Variants in ARHGAP44 observed in about 807,000 individuals in gnomAD.
ARHGAP44 encodes the protein rho GTPase-activating protein 44.
ARHGAP44 carries 43 observed loss-of-function variants against 106.8 expected under a neutral mutation model. The ratio of observed to expected loss-of-function variants is 0.40; its 90% CI spans 0.32 to 0.52. The LOEUF (loss-of-function observed/expected upper bound fraction) is 0.52, where lower values mean the gene tolerates loss of function less well. Among genes scored for constraint, ARHGAP44 ranks in the 20% least tolerant of loss-of-function variants. The pLI is 0.48. For missense variants in ARHGAP44, 866 were observed against 1,050.5 expected, an observed-to-expected ratio of 0.82 and a Z score of 2.43; for synonymous variants, 439 against 410.3, an observed-to-expected ratio of 1.07 and a Z score of -0.85.
rs575764191 is a variant in ARHGAP44 at position 12,810,903 on chromosome 17, G to A, written c.53+21012G>A. Among the ~76,000 whole-genome samples, 17 of 152,138 alleles carry A rather than the reference G, an allele frequency of 1.1e-4. 1 individual carries two copies. Among genetic ancestry groups the A allele is most frequent in the Admixed American group, 8.5e-4 (13 of 15,278 alleles). ...CAAAACTTAACTACCAATAGCCTCC[G>A]GTTGACTGGAAGTGTTACCATAACA... On this transcript the variant is annotated intron_variant, in intron 1 of 20. Transcript: ENST00000379672.
chr17:12,870,470 C>G (rs2036377965), intron 1 of ARHGAP44, among the ~76,000 whole-genome samples: 2 of 152,142 alleles, frequency 1.3e-5, no homozygotes, highest in Non-Finnish European at 2.9e-5. Flanking sequence ...ATCCCTATTT[C>G]CAGACCTCCA....
At chr17:12,825,777 AC>A (rs1367748698) in intron 1 of ARHGAP44, among the ~76,000 whole-genome samples, 5 of 152,194 alleles carry the variant, frequency 3.3e-5, no homozygotes, top group Non-Finnish European at 7.3e-5. Context: ...CCAAGTTGAC[AC>A]AAAAAAATTA....
At chr17:12,950,926 G>A (rs1226592227) in intron 12 of ARHGAP44, among the ~76,000 whole-genome samples, 1 of 152,156 alleles carries the variant, frequency 6.6e-6, no homozygotes. Flanking sequence ...TGTGTCTGAT[G>A]CTGCTCCTTC....
intron 2 of ARHGAP44, among the ~76,000 whole-genome samples, chr17:12,895,207 T>C (rs74834085): frequency 2.9e-5 from 1 of 34,590 alleles, no homozygotes; most frequent in East Asian, 9.3e-4. Context: ...TCGATGTGGT[T>C]AAAACTGCTC....
intron 1 of ARHGAP44, among the ~76,000 whole-genome samples, chr17:12,840,565 G>A (rs1347215497): frequency 1.3e-5 from 2 of 152,166 alleles, no homozygotes; most frequent in Admixed American, 6.5e-5. Flanking sequence ...AGCACCCAAT[G>A]TCTGGCCTGG....
At chr17:12,825,060 G>T (rs1203225060) in intron 1 of ARHGAP44, among the ~76,000 whole-genome samples, 1 of 151,794 alleles carries the variant, frequency 6.6e-6, no homozygotes, top group African/African-American at 2.4e-5. Flanking sequence ...TTTTGAGATG[G>T]TGTCTCACTC....
chr17:12,940,439 T>C (rs1435793948), intron 7 of ARHGAP44, among the ~76,000 whole-genome samples: 2 of 152,334 alleles, frequency 1.3e-5, no homozygotes, highest in South Asian at 2.1e-4. Context: ...GGTCACCCAA[T>C]CTCATGGACA....
At chr17:12,910,981 A>G (rs1340442009) in intron 4 of ARHGAP44, among the ~76,000 whole-genome samples, 1 of 151,926 alleles carries the variant, frequency 6.6e-6, no homozygotes, top group African/African-American at 2.4e-5. Flanking sequence ...ATAACTTTCA[A>G]ACTAACAAAG....
intron 1 of ARHGAP44, among the ~76,000 whole-genome samples, chr17:12,797,913 GCTTTTA>G (rs976896972): frequency 2.0e-5 from 3 of 151,954 alleles, no homozygotes; most frequent in Admixed American, 1.3e-4. Flanking sequence ...GTACAATTTT[GCTTTTA>G]CTTATAGGTA....
chr17:12,881,051 G>C (rs9913399), intron 1 of ARHGAP44, among the ~76,000 whole-genome samples: 1 of 151,832 alleles, frequency 6.6e-6, no homozygotes, highest in Non-Finnish European at 1.5e-5. Context: ...AAAAAGTGCT[G>C]ATCTTTAGCT....
intron 5 of ARHGAP44, among the ~76,000 whole-genome samples, 195 bp from the exon 6 acceptor site, chr17:12,919,560 A>G (rs111475501): frequency 0.2 from 30,006 of 151,876 alleles, 3,811 homozygotes; most frequent in Non-Finnish European, 0.28. Context: ...TAATTTTTGT[A>G]TTTTTAGTAG....
chr17:12,911,336 TC>T lies in ARHGAP44; in HGVS notation c.275+2365del, dbSNP rs112683376. On this transcript the variant is annotated intron_variant, in intron 4 of 20. Transcript: ENST00000379672. ...ACTACAATATGGAGATTTTTTTTTT[TC>T]CTTAAAAGACATAAACCCACAATGG... Among the ~76,000 whole-genome samples the T allele has an allele frequency of 6.5e-4, 97 of 149,906 alleles. No homozygotes were observed. In the East Asian group the frequency reaches 6.6e-3, roughly 10 times the overall value.
chr17:12,868,591 TTATATA>T (rs1209692482), intron 1 of ARHGAP44, among the ~76,000 whole-genome samples: 843 of 47,092 alleles, frequency 0.018, 10 homozygotes, highest in African/African-American at 0.04. Context: ...TATATGCATT[TTATATA>T]TATATATATA....
intron 1 of ARHGAP44, among the ~76,000 whole-genome samples, chr17:12,818,936 A>G (rs749001263): frequency 1.8e-4 from 28 of 152,230 alleles, no homozygotes; most frequent in Admixed American, 3.9e-4. Context: ...TAAAATTTGC[A>G]TGGATAGGCA....
At chr17:12,886,125 T>G (rs2036874889) in intron 1 of ARHGAP44, among the ~76,000 whole-genome samples, 1 of 152,102 alleles carries the variant, frequency 6.6e-6, no homozygotes, top group Admixed American at 6.5e-5. Context: ...CTTTGTGCCT[T>G]TTTTAGAGAC....
At chr17:12,906,519 G>A (rs889882991) in intron 3 of ARHGAP44, among the ~76,000 whole-genome samples, 1 of 152,130 alleles carries the variant, frequency 6.6e-6, no homozygotes, top group Non-Finnish European at 1.5e-5. Flanking sequence ...AAGAACTCAG[G>A]GAAACACTTT....
intron 1 of ARHGAP44, among the ~76,000 whole-genome samples, chr17:12,855,148 C>T (rs1041548940): frequency 1.2e-4 from 19 of 152,180 alleles, no homozygotes; most frequent in Non-Finnish European, 2.6e-4. Flanking sequence ...TTTCATATTT[C>T]ACCTCGAGCT....
At chr17:12,853,248 A>G (rs1217376858) in intron 1 of ARHGAP44, among the ~76,000 whole-genome samples, 1 of 152,212 alleles carries the variant, frequency 6.6e-6, no homozygotes. Flanking sequence ...AGCACGGGAG[A>G]AGGATGGAGG....
In ARHGAP44 at chr17:12,961,756, A is replaced by G. The variant is rs531379904; in HGVS notation, c.1523+2859A>G. On this transcript the variant is annotated intron_variant, in intron 16 of 20. Transcript: ENST00000379672. ...CTCCAAAAAAAAAAAGTTAAATTCA[A>G]TGAAGGTCTTACCGGTTTAGGGTGG... is the stretch of plus-strand genomic sequence containing the variant. Among the ~76,000 whole-genome samples the G allele has an allele frequency of 2.0e-3, 298 of 152,294 alleles. 1 individual carries two copies. The highest frequency in any genetic ancestry group is 7.9e-3 in the Admixed American group (121 of 15,286).
Sources: allele counts gnomAD v4.1 joint callset (sites outside exome capture counted in the v4.1 genomes callset), GRCh38; gene constraint gnomAD v4.1.1; transcripts MANE v1.5; gene names NCBI Gene and HGNC (gene_info 2026-07-23, HGNC 2026-07-21).